BCLAF1: variants seen among roughly 807,000 people sequenced by gnomAD.
The protein encoded by BCLAF1 is bcl-2-associated transcription factor 1.
BCLAF1 carries 10 observed loss-of-function variants against 99.5 expected under a neutral mutation model. The ratio of observed to expected loss-of-function variants is 0.10; its 90% confidence interval spans 0.06 to 0.17. The LOEUF (loss-of-function observed/expected upper bound fraction) is 0.17, where lower values mean the gene tolerates loss of function less well. Ranked by LOEUF, BCLAF1 falls within the 10% of genes least tolerant of loss-of-function variation. The probability of loss-of-function intolerance (pLI) is 1.00; values close to 1 mark genes in which losing one functional copy is unlikely to be tolerated. For missense variants in BCLAF1, 636 were observed against 1,105.8 expected (o/e 0.58, Z 6.02); for synonymous variants, 255 against 370.9 (o/e 0.69, Z 3.59).
At chr6:136,286,619 CTAATAT>C (rs1785168808) in intron 1 of BCLAF1, among the ~76,000 whole-genome samples, 1 of 152,146 alleles carries the variant, frequency 6.6e-6, no homozygotes, top group South Asian at 2.1e-4. Context: ...GTAAGGTTAC[CTAATAT>C]TTTTGATACA....
intron 4 of BCLAF1, among the ~76,000 whole-genome samples, chr6:136,277,647 C>A (rs1314229921): frequency 1.3e-5 from 2 of 152,160 alleles, no homozygotes; most frequent in African/African-American, 4.8e-5. Context: ...CCGCCTCAGC[C>A]TCCTGAGTAG....
intron 11 of BCLAF1, among the ~76,000 whole-genome samples, chr6:136,265,019 T>C (rs543210107): frequency 3.9e-5 from 6 of 152,320 alleles, no homozygotes; most frequent in East Asian, 1.9e-4. Flanking sequence ...GAGAATGCCA[T>C]AGAAAAACGG....
intron 8 of BCLAF1, chr6:136,269,827 G>T: frequency 2.7e-6 from 1 of 367,260 alleles, no homozygotes; most frequent in Non-Finnish European, 4.8e-6. Flanking sequence ...CAGTGGGACT[G>T]GGGAAATTAT....
rs1013943003 is a variant in BCLAF1 at position 136,258,507 on chromosome 6, T to C, written c.*2603A>G. On this transcript the variant is annotated 3_prime_UTR_variant, in exon 13 of 13. Coordinates refer to ENST00000531224, the MANE Select transcript of BCLAF1 (RefSeq NM_014739.3). ...AGCCTTACCACACCAGTAATCTTCC[T>C]AACAGATGCGCTGATATTCTAAAAT... The C allele has an allele frequency of 6.6e-6, 1 of 152,536 alleles. No individual in the cohort carries two copies. Among genetic ancestry groups the C allele is most frequent in the Non-Finnish European group, 1.5e-5 (1 of 67,936 alleles). 9.4% of individuals were successfully genotyped at this position (152,536 alleles called of 1,614,324 possible).
intron 3 of BCLAF1, among the ~76,000 whole-genome samples, chr6:136,279,086 C>T (rs974935718): frequency 1.3e-5 from 2 of 151,474 alleles, no homozygotes; most frequent in African/African-American, 2.4e-5. Flanking sequence ...TACCTCTAGG[C>T]AAGCACTTAA....
At chr6:136,265,489 T>G (rs1470667816) in intron 11 of BCLAF1, among the ~76,000 whole-genome samples, 4 of 152,172 alleles carry the variant, frequency 2.6e-5, no homozygotes, top group Admixed American at 2.6e-4. Flanking sequence ...TCTCTCAAAT[T>G]GCTTAACTTT....
intron 1 of BCLAF1, among the ~76,000 whole-genome samples, chr6:136,288,953 C>G (rs2128496359): frequency 6.6e-6 from 1 of 152,300 alleles, no homozygotes; most frequent in South Asian, 2.1e-4. Context: ...GAACCACCAG[C>G]TAAGACCCAA....
intron 1 of BCLAF1, among the ~76,000 whole-genome samples, chr6:136,283,988 C>A (rs1584103787): frequency 6.6e-6 from 1 of 151,792 alleles, no homozygotes; most frequent in East Asian, 1.9e-4. Flanking sequence ...GGAGTACTGT[C>A]ATAAAACTAT....
chr6:136,284,620 G>A (rs1399806492), intron 1 of BCLAF1, among the ~76,000 whole-genome samples: 2 of 152,128 alleles, frequency 1.3e-5, no homozygotes, highest in East Asian at 1.9e-4. Context: ...ATAATCTCAT[G>A]AGCTACATAT....
At chr6:136,274,815 AC>A (rs1783029295) in intron 6 of BCLAF1, among the ~76,000 whole-genome samples, 1 of 152,022 alleles carries the variant, frequency 6.6e-6, no homozygotes, top group African/African-American at 2.4e-5. Context: ...ATTATTAGTA[AC>A]TCTGCAACTA....
In BCLAF1 at chr6:136,257,127, A is replaced by G. The variant is rs1368319071; in HGVS notation, c.*3983T>C. 1 of 152,170 alleles carries G rather than the reference A, an allele frequency of 6.6e-6. No homozygotes were observed. The highest frequency in any genetic ancestry group is 1.5e-5 in the Non-Finnish European group (1 of 68,036). 9.4% of individuals were successfully genotyped at this position (152,170 alleles called of 1,614,324 possible). A position where few individuals can be genotyped will look rare whatever the true frequency, so the allele number is the denominator to read the frequency against. On this transcript the variant is annotated 3_prime_UTR_variant, in exon 13 of 13. Coordinates refer to ENST00000531224, the MANE Select transcript of BCLAF1 (RefSeq NM_014739.3). ...AAAGGCATTAAAGCCTGCTCACCCA[A>G]CCTTTTTCTATTTTCAAGAATATTA...
intron 1 of BCLAF1, among the ~76,000 whole-genome samples, chr6:136,284,557 A>G (rs951327402): frequency 4.6e-5 from 7 of 152,244 alleles, no homozygotes; most frequent in Non-Finnish European, 1.0e-4. Context: ...CCATGTGCCA[A>G]GAACTGTGCT....
At chr6:136,271,635 G>A (rs915767514) in intron 8 of BCLAF1, among the ~76,000 whole-genome samples, 1 of 151,830 alleles carries the variant, frequency 6.6e-6, no homozygotes, top group African/African-American at 2.4e-5. Context: ...TATTAATTTA[G>A]ACACACAAAT....
chr6:136,269,127 A>G, intron 9 of BCLAF1: 1 of 1,200,308 alleles, frequency 8.3e-7, no homozygotes, highest in African/African-American at 1.6e-5. Context: ...AGCATAACGA[A>G]CCAAAGTTCT....
At position 136,259,897 on chromosome 6, in the gene BCLAF1, G is replaced by T. The variant is rs1241313791; in HGVS notation, c.*1213C>A. The stretch of plus-strand genomic sequence containing the variant: ...CTATTTTAGATTTTCACTCCTTTAA[G>T]AGCTATCAATATAGACACAAAAGAT... On this transcript the variant is annotated 3_prime_UTR_variant, in exon 13 of 13. Transcript: ENST00000531224. The T allele has an allele frequency of 6.6e-6, 1 of 151,760 alleles. No homozygotes were observed. 9.4% of individuals were successfully genotyped at this position (151,760 alleles called of 1,614,324 possible). A position where few individuals can be genotyped will look rare whatever the true frequency, so the allele number is the denominator to read the frequency against.
intron 11 of BCLAF1, 103 bp downstream of exon 11, chr6:136,266,926 G>T: frequency 1.5e-6 from 2 of 1,377,748 alleles, no homozygotes; most frequent in South Asian, 2.9e-5. Flanking sequence ...CCCACATAAC[G>T]GTGAATCTTC....
At position 136,278,550 on chromosome 6, in the gene BCLAF1, G is replaced by A. The variant is rs372628990; in HGVS notation, c.331C>T (p.Arg111Cys). The A allele has an allele frequency of 6.3e-6, 10 of 1,591,834 alleles. No individual in the cohort carries two copies. Among genetic ancestry groups the A allele is most frequent in the Middle Eastern group, 1.7e-4 (1 of 5,838 alleles). ...GATCTTCTTTTTGGACTCCTGGAAC[G>A]TGAACGACCTCGTCTAGGACTCCTA... The part of the protein sequence containing the change: ...HSRSPRRGRS[R>C]SRSPKRRSVS... The change falls in exon 4 of 13, where the codon CGT becomes TGT. Residue 111 changes from arginine to cysteine, a missense_variant. Arg to Cys is a radical substitution (Grantham distance 180, BLOSUM62 -3). Around this residue, in one of 9 missense-constraint regions of BCLAF1, gnomAD observed 12 missense variants for 96.3 expected, o/e 0.12. Coordinates refer to ENST00000531224, the MANE Select transcript of BCLAF1 (RefSeq NM_014739.3).
intron 11 of BCLAF1, among the ~76,000 whole-genome samples, chr6:136,261,950 C>T (rs1275147821): frequency 3.3e-5 from 5 of 152,000 alleles, no homozygotes; most frequent in Admixed American, 3.3e-4. Flanking sequence ...TTATACTTTA[C>T]ATATAAAAGT....
chr6:136,259,425 G>A lies in BCLAF1; in HGVS notation c.*1685C>T, dbSNP rs1460133483. The A allele has an allele frequency of 3.9e-5, 6 of 151,958 alleles. No homozygotes were observed. The highest frequency in any genetic ancestry group is 9.7e-5 in the African/African-American group (4 of 41,422). The allele number at this position is 151,958 out of a possible 1,614,324, so 9.4% of individuals were successfully genotyped here. A position where few individuals can be genotyped will look rare whatever the true frequency, so the allele number is the denominator to read the frequency against. On this transcript the variant is annotated 3_prime_UTR_variant, in exon 13 of 13. Transcript: ENST00000531224. ...AAGGGTCATGAAAATTCTGTGTTGGGAATCACATCCATGTTGCTTTCACAC... is the reference window on the plus strand; with the variant it reads ...AAGGGTCATGAAAATTCTGTGTTGGAAATCACATCCATGTTGCTTTCACAC...
Sources: allele counts gnomAD v4.1 joint callset (sites outside exome capture counted in the v4.1 genomes callset), GRCh38; gene constraint gnomAD v4.1.1; regional missense constraint gnomAD v4.1.1; transcripts MANE v1.5; gene names NCBI Gene and HGNC (gene_info 2026-07-23, HGNC 2026-07-21).